The following UNC79 variants were observed in gnomAD, a reference collection of about 807,000 sequenced individuals.
The protein encoded by UNC79 is protein unc-79 homolog.
A neutral mutation model predicts 283.1 loss-of-function variants in UNC79; 37 were observed. That is an observed-to-expected ratio of 0.13 (90% CI 0.10 to 0.17). The LOEUF (loss-of-function observed/expected upper bound fraction) is 0.17, where lower values mean the gene tolerates loss of function less well. Ranked by LOEUF, UNC79 falls within the 10% of genes least tolerant of loss-of-function variation. The pLI is 1.00. For synonymous variants in UNC79, 1,107 were observed against 1,200.2 expected, an observed-to-expected ratio of 0.92 and a Z score of 1.61; for missense variants, 2,272 against 3,211.1, an observed-to-expected ratio of 0.71 and a Z score of 7.07.
intron 40 of UNC79, among the ~76,000 whole-genome samples, chr14:93,663,088 A>G (rs772290110): frequency 2.6e-5 from 4 of 152,154 alleles, no homozygotes; most frequent in African/African-American, 4.8e-5. Flanking sequence ...TCATTTTTAT[A>G]CCCAAAGTAG....
Position 93,699,273 on chromosome 14 carries a change from T to C in UNC79, c.7548+4861T>C, listed in dbSNP as rs1324007301. On this transcript the variant is annotated intron_variant, in intron 47 of 48. Coordinates refer to ENST00000555664, the Ensembl canonical transcript of UNC79. ...GTTCTTTGTCTCCTGTCCTCTCTTT[T>C]TGTGCCTTCTTTTGGATTAAGGTTT... Among the ~76,000 whole-genome samples the C allele has an allele frequency of 2.0e-5, 3 of 152,204 alleles. No homozygotes were observed. The East Asian group carries it at 5.8e-4, about 29-fold the overall frequency.
Position 93,621,018 on chromosome 14 carries a change from C to T in UNC79, c.4388-603C>T, listed in dbSNP as rs763450800. The T allele has an allele frequency of 9.7e-6, 5 of 517,286 alleles. No homozygotes were observed. Among genetic ancestry groups the T allele is most frequent in the Non-Finnish European group, 1.9e-5 (5 of 259,180 alleles). 32.0% of individuals were successfully genotyped at this position (517,286 alleles called of 1,614,324 possible). On this transcript the variant is annotated intron_variant, in intron 29 of 48. Coordinates refer to ENST00000555664, the Ensembl canonical transcript of UNC79. The surrounding 1 kb of genome is among the most constrained non-coding windows in gnomAD (Gnocchi z 4.8). ...GGCAGCAAAATGGTGAAATATCAGC[C>T]GGTTGAGATGAATGTTCAGAGAAGT... is the stretch of plus-strand genomic sequence containing the variant.
chr14:93,577,969 G>A (rs768899912), exon 18 of UNC79: 23 of 1,614,080 alleles, frequency 1.4e-5, no homozygotes, highest in Non-Finnish European at 9.3e-6. Context: ...AAGAATTTTG[G>A]ACACCCAGGA....
At position 93,621,881 on chromosome 14, in the gene UNC79, C is replaced by G; in HGVS notation, c.4648C>G (p.Gln1550Glu). 1 of 1,614,084 alleles carries G rather than the reference C, an allele frequency of 6.2e-7. No homozygotes were observed. Among genetic ancestry groups the G allele is most frequent in the Non-Finnish European group, 8.5e-7 (1 of 1,180,006 alleles). ...ACCAAACGACCCTGGACGTTCTAGA[C>G]AGAACTCTGCTACGAGGCCTGACAA... The change falls in exon 30 of 49, where the codon CAG becomes GAG. Residue 1550 changes from glutamine (Q) to glutamate (E), a missense_variant. Transcript: ENST00000555664. This position sits in a 1 kb window ranked among gnomAD's most constrained non-coding sequence, Gnocchi z 4.8.
chr14:93,498,324 C>T (rs1461060747), intron 7 of UNC79, among the ~76,000 whole-genome samples: 1 of 151,780 alleles, frequency 6.6e-6, no homozygotes, highest in African/African-American at 2.4e-5. Context: ...CGTGGTGGCT[C>T]ACACCTGTAA....
chr14:93,660,075 T>A (rs1035574687), intron 39 of UNC79, among the ~76,000 whole-genome samples: 8 of 152,224 alleles, frequency 5.3e-5, no homozygotes, highest in Non-Finnish European at 1.2e-4. Flanking sequence ...CACTTTTGTA[T>A]TCCAAGCTGT....
chr14:93,468,885 C>T (rs2057355891), intron 2 of UNC79, among the ~76,000 whole-genome samples: 1 of 152,144 alleles, frequency 6.6e-6, no homozygotes, highest in African/African-American at 2.4e-5. Context: ...GGATATTTTC[C>T]TTCTTCTCAA....
intron 40 of UNC79, among the ~76,000 whole-genome samples, chr14:93,668,978 T>TAAAAAAAAAAAAAAAAAAAAAA (rs543609091): frequency 1.3e-5 from 1 of 79,898 alleles, no homozygotes; most frequent in Non-Finnish European, 2.5e-5. Flanking sequence ...GAACATTGTC[T>TAAAAAAAAAAAAAAAAAAAAAA]AAAAAAAAAA....
chr14:93,690,339 C>T lies in UNC79; in HGVS notation c.7272+36C>T, dbSNP rs141514869. 192 of 1,582,642 alleles carry T rather than the reference C, an allele frequency of 1.2e-4. No homozygotes were observed. Among genetic ancestry groups the T allele is most frequent in the African/African-American group, 1.6e-4 (12 of 74,112 alleles). ...TCTGCAAGATTAAGACCGTATGCAT[C>T]GCAATTGCTAATGGAAACCTTATCA... On this transcript the variant is annotated intron_variant, in intron 45 of 48. Coordinates refer to ENST00000555664, the Ensembl canonical transcript of UNC79. This position sits in a 1 kb window ranked among gnomAD's most constrained non-coding sequence, Gnocchi z 4.3.
At position 93,603,227 on chromosome 14, in the gene UNC79, C is replaced by T. The variant is rs911528880; in HGVS notation, c.3575-12C>T. Reference sequence around the variant, plus strand: ...AAGGAGAGTGATAGTCTCTTTAATTCCTTTTGCAAAGCCATCACTGCTGTG... The same window carrying T: ...AAGGAGAGTGATAGTCTCTTTAATTTCTTTTGCAAAGCCATCACTGCTGTG... On this transcript the variant is annotated splice_polypyrimidine_tract_variant and intron_variant, in intron 25 of 48. Transcript: ENST00000555664. The T allele has an allele frequency of 6.2e-7, 1 of 1,613,472 alleles. No homozygotes were observed.
chr14:93,397,198 T>C (rs2055016435), intron 1 of UNC79: 1 of 152,200 alleles, frequency 6.6e-6, no homozygotes, highest in South Asian at 2.1e-4. Context: ...ACACTAATGT[T>C]AATAAGTTCT....
chr14:93,340,603 C>T (rs1381686803), intron 1 of UNC79, among the ~76,000 whole-genome samples: 2 of 148,624 alleles, frequency 1.3e-5, no homozygotes, highest in Non-Finnish European at 1.5e-5. Context: ...CAGGGTATCA[C>T]TCTGTTTCCC....
chr14:93,706,139 A>G (rs1048358875), intron 48 of UNC79, among the ~76,000 whole-genome samples: 5 of 152,120 alleles, frequency 3.3e-5, no homozygotes, highest in African/African-American at 1.2e-4. Flanking sequence ...AGAACTCCCT[A>G]AGAAGCTTGG....
intron 7 of UNC79, among the ~76,000 whole-genome samples, chr14:93,499,839 T>C (rs1197613543): frequency 2.0e-5 from 3 of 152,026 alleles, no homozygotes; most frequent in African/African-American, 7.3e-5. Flanking sequence ...AGCTGATACC[T>C]GAAGGATATA....
chr14:93,558,454 G>T (rs1830478847), intron 14 of UNC79, among the ~76,000 whole-genome samples: 1 of 151,886 alleles, frequency 6.6e-6, no homozygotes, highest in South Asian at 2.1e-4. Context: ...TACTCAGGAG[G>T]CTGAGGCAGG....
intron 1 of UNC79, among the ~76,000 whole-genome samples, chr14:93,436,238 T>A (rs145546942): frequency 7.4e-4 from 112 of 152,344 alleles, no homozygotes; most frequent in African/African-American, 2.6e-3. Context: ...TTCTATGCAA[T>A]GTGAACATTG....
intron 43 of UNC79, among the ~76,000 whole-genome samples, 187 bp downstream of exon 46, chr14:93,686,848 G>A (rs1459897840): frequency 1.3e-5 from 2 of 152,138 alleles, no homozygotes; most frequent in Non-Finnish European, 2.9e-5. Flanking sequence ...GGAAGGGAAA[G>A]GACATTCACA....
chr14:93,619,186 A>G (rs1263385789), intron 29 of UNC79, among the ~76,000 whole-genome samples: 2 of 152,208 alleles, frequency 1.3e-5, no homozygotes, highest in Non-Finnish European at 2.9e-5. Flanking sequence ...TAGTTTGGCT[A>G]CAGACGGAAC....
intron 22 of UNC79, among the ~76,000 whole-genome samples, chr14:93,589,218 A>G (rs1168671237): frequency 3.3e-5 from 5 of 152,152 alleles, no homozygotes; most frequent in Non-Finnish European, 7.3e-5. Context: ...TCAGGGGCTT[A>G]GGAGTGGACG....
Sources: allele counts gnomAD v4.1 joint callset (sites outside exome capture counted in the v4.1 genomes callset), GRCh38; gene constraint gnomAD v4.1.1; non-coding constraint Gnocchi (gnomAD v3.1); transcripts MANE v1.5; gene names NCBI Gene and HGNC (gene_info 2026-07-23, HGNC 2026-07-21).